The following SOX5 variants were observed in gnomAD, a reference collection of about 807,000 sequenced individuals.
The protein encoded by SOX5 is transcription factor SOX-5.
A neutral mutation model predicts 92.0 loss-of-function variants in SOX5; 9 were observed. The ratio of observed to expected loss-of-function variants is 0.10; its 90% confidence interval spans 0.06 to 0.17. SOX5 has a LOEUF of 0.17. Among genes scored for constraint, SOX5 ranks in the 10% least tolerant of loss-of-function variants. The pLI is 1.00. For missense variants in SOX5, 642 were observed against 944.5 expected (o/e 0.68, Z 4.20); for synonymous variants, 344 against 336.3 (o/e 1.02, Z -0.25).
At chr12:23,779,905 C>A (rs2095235615) in intron 3 of SOX5, among the ~76,000 whole-genome samples, 2 of 145,880 alleles carry the variant, frequency 1.4e-5, no homozygotes, top group Non-Finnish European at 3.0e-5. Flanking sequence ...AATGTGTGCT[C>A]CAATTAGAAA....
chr12:23,565,540 C>T (rs1946923799), intron 10 of SOX5, among the ~76,000 whole-genome samples: 1 of 152,006 alleles, frequency 6.6e-6, no homozygotes, highest in African/African-American at 2.4e-5. Flanking sequence ...ATTCTTTATG[C>T]TTTTTAGGGA....
chr12:23,773,599 T>C (rs891622600), intron 3 of SOX5, among the ~76,000 whole-genome samples: 1 of 152,138 alleles, frequency 6.6e-6, no homozygotes, highest in Non-Finnish European at 1.5e-5. Flanking sequence ...CTCAAACTCC[T>C]GGCCTCAAGT....
At chr12:23,816,490 G>A (rs528153506) in intron 3 of SOX5, among the ~76,000 whole-genome samples, 32 of 152,188 alleles carry the variant, frequency 2.1e-4, no homozygotes, top group African/African-American at 7.0e-4. Context: ...GAGCCACTGC[G>A]CCTAGCCAGG....
intron 1 of SOX5, among the ~76,000 whole-genome samples, chr12:24,505,874 C>CGTGCGTGTGTGTGTGTGTGT (rs1555327847): frequency 2.1e-4 from 31 of 148,118 alleles, no homozygotes; most frequent in East Asian, 2.0e-3. Context: ...TGTGTGTGTG[C>CGTGCGTGTGTGTGTGTGTGT]GCATCACTGC....
At position 24,296,538 on chromosome 12, in the gene SOX5, T is replaced by C. The variant is rs77848944; in HGVS notation, c.-173-19226A>G. 2.0e-5 allele frequency among the ~76,000 whole-genome samples: 3 copies of C among 152,340 alleles called. No individual in the cohort carries two copies. In the East Asian group the frequency reaches 5.8e-4, roughly 29 times the overall value. On this transcript the variant is annotated intron_variant, in intron 2 of 4. Transcript: ENST00000446891. ...CTCCCTTCTTGACACAGTTGTCACT[T>C]ATAAGCATATGTGGATATTTATACT...
At chr12:24,233,072 A>C (rs557730509) in intron 3 of SOX5, among the ~76,000 whole-genome samples, 2 of 152,354 alleles carry the variant, frequency 1.3e-5, no homozygotes, top group South Asian at 4.1e-4. Context: ...TAAAATATTC[A>C]GAAACTGTTC....
In SOX5 at chr12:23,575,776, G is replaced by A. The variant is rs1374531707; in HGVS notation, c.1227C>T (p.Pro409=). ...AKPKTSDGKS[P]TSPTSPHMPA... ...GCATATGGGGAGAGGTGGGTGATGT[G>A]GGTGATTTGCCATCAGAGGTCTTGG... The change falls in exon 10 of 15, where the codon CCC becomes CCT. Residue 409 remains proline (P), a synonymous_variant. Transcript: ENST00000451604. 7.4e-6 allele frequency: 12 copies of A among 1,611,098 alleles called. No homozygotes were observed. The highest frequency in any genetic ancestry group is 1.0e-5 in the Non-Finnish European group (12 of 1,178,782).
intron 1 of SOX5, among the ~76,000 whole-genome samples, chr12:24,391,916 AATGTT>A (rs1489253358): frequency 1.3e-5 from 2 of 152,148 alleles, no homozygotes; most frequent in African/African-American, 4.8e-5. Flanking sequence ...GGTTATTTCA[AATGTT>A]ACCAACAATA....
At chr12:24,499,039 C>T (rs752244569) in intron 1 of SOX5, among the ~76,000 whole-genome samples, 5 of 152,234 alleles carry the variant, frequency 3.3e-5, no homozygotes, top group Non-Finnish European at 7.3e-5. Flanking sequence ...CTCACTCAAT[C>T]TACATGGGCT....
intron 3 of SOX5, among the ~76,000 whole-genome samples, chr12:24,244,543 G>C (rs1376521486): frequency 1.3e-5 from 2 of 152,220 alleles, no homozygotes; most frequent in Non-Finnish European, 2.9e-5. Context: ...CCCTAGGTAG[G>C]AATACTCTCA....
intron 2 of SOX5, among the ~76,000 whole-genome samples, chr12:24,312,575 C>A (rs982396932): frequency 6.6e-6 from 1 of 152,146 alleles, no homozygotes; most frequent in Non-Finnish European, 1.5e-5. Flanking sequence ...TAGAACAGTG[C>A]TTGGCACATA....
chr12:23,772,728 C>A (rs2094973486), intron 3 of SOX5, among the ~76,000 whole-genome samples: 1 of 152,030 alleles, frequency 6.6e-6, no homozygotes, highest in Non-Finnish European at 1.5e-5. Context: ...TAGTATATAC[C>A]TAATATACCT....
At chr12:23,754,129 T>C (rs933564252) in intron 4 of SOX5, among the ~76,000 whole-genome samples, 4 of 151,826 alleles carry the variant, frequency 2.6e-5, no homozygotes, top group African/African-American at 9.7e-5. Flanking sequence ...AAGGCAAGCC[T>C]GAAAGGGACA....
chr12:23,998,247 A>T (rs982615425), intron 4 of SOX5, among the ~76,000 whole-genome samples: 4 of 152,168 alleles, frequency 2.6e-5, no homozygotes, highest in African/African-American at 9.6e-5. Flanking sequence ...CAAAGATAAA[A>T]TTACTGAAAA....
intron 2 of SOX5, among the ~76,000 whole-genome samples, chr12:23,881,293 T>C (rs2096986549): frequency 6.6e-6 from 1 of 152,204 alleles, no homozygotes; most frequent in African/African-American, 2.4e-5. Flanking sequence ...CCCTGAATTC[T>C]CACATGTAAA....
intron 1 of SOX5, among the ~76,000 whole-genome samples, chr12:24,408,503 C>T (rs1657045306): frequency 6.6e-6 from 1 of 152,064 alleles, no homozygotes; most frequent in Admixed American, 6.5e-5. Context: ...CCACAAAAAT[C>T]CCTCAGGTTG....
At chr12:23,763,161 A>T (rs1000410681) in intron 3 of SOX5, among the ~76,000 whole-genome samples, 8 of 152,178 alleles carry the variant, frequency 5.3e-5, no homozygotes, top group African/African-American at 1.7e-4. Context: ...TTGGCAAGTA[A>T]TGTAACCTCT....
intron 1 of SOX5, among the ~76,000 whole-genome samples, chr12:24,445,927 T>A (rs780982844): frequency 1.3e-5 from 2 of 152,160 alleles, no homozygotes; most frequent in African/African-American, 2.4e-5. Context: ...ATCTGAAGGA[T>A]AATTGTACTA....
At chr12:24,207,368 A>C (rs1311486488) in intron 4 of SOX5, among the ~76,000 whole-genome samples, 1 of 152,136 alleles carries the variant, frequency 6.6e-6, no homozygotes, top group Non-Finnish European at 1.5e-5. Flanking sequence ...CGTTCAACCA[A>C]TGAAAATACT....
Sources: allele counts gnomAD v4.1 joint callset (sites outside exome capture counted in the v4.1 genomes callset), GRCh38; gene constraint gnomAD v4.1.1; transcripts MANE v1.5; gene names NCBI Gene and HGNC (gene_info 2026-07-23, HGNC 2026-07-21).